The following ARFGEF3 variants were observed in gnomAD, a reference collection of about 807,000 sequenced individuals.
The protein encoded by ARFGEF3 is ARFGEF family member 3, also known as brefeldin A-inhibited guanine nucleotide-exchange protein 3.
A neutral mutation model predicts 221.7 loss-of-function variants in ARFGEF3; 96 were observed. The ratio of observed to expected loss-of-function variants is 0.43; its 90% CI spans 0.37 to 0.51. The LOEUF (loss-of-function observed/expected upper bound fraction) is 0.51. ARFGEF3 is among the 20% of genes least tolerant of loss of function. The pLI, the probability that ARFGEF3 is intolerant of heterozygous loss-of-function variation, is 0.00. For missense variants in ARFGEF3, 2,410 were observed against 2,789.9 expected (o/e 0.86, Z 3.07); for synonymous variants, 1,145 against 1,126.8 (o/e 1.02, Z -0.32).
At chr6:138,170,797 CTTAG>C in intron 2 of ARFGEF3, 84 bp downstream of exon 2, 1 of 806,144 alleles carries the variant, frequency 1.2e-6, no homozygotes, top group African/African-American at 1.7e-5. Context: ...TACAGTGTGT[CTTAG>C]TTTGTTTTGT....
chr6:138,332,849 A>G (rs1194099108), intron 32 of ARFGEF3, among the ~76,000 whole-genome samples: 1 of 152,214 alleles, frequency 6.6e-6, no homozygotes, highest in Non-Finnish European at 1.5e-5. Context: ...TACTCATTTC[A>G]TCTTGAGAGT....
chr6:138,251,059 C>A (rs1004583492), intron 8 of ARFGEF3, among the ~76,000 whole-genome samples: 1 of 152,164 alleles, frequency 6.6e-6, no homozygotes, highest in Non-Finnish European at 1.5e-5. Context: ...ATCTGTTTTC[C>A]AGACTGCCGC....
chr6:138,210,983 G>A (rs1777717264), intron 4 of ARFGEF3, among the ~76,000 whole-genome samples: 1 of 152,154 alleles, frequency 6.6e-6, no homozygotes, highest in South Asian at 2.1e-4. Flanking sequence ...TGATGATTAA[G>A]AGCTCAAACT....
At chr6:138,222,823 G>T (rs1369730397) in intron 4 of ARFGEF3, among the ~76,000 whole-genome samples, 1 of 152,006 alleles carries the variant, frequency 6.6e-6, no homozygotes. Context: ...TGTCGCTTGG[G>T]GAGTGTACCT....
chr6:138,242,809 T>A lies in ARFGEF3; in HGVS notation c.544-143T>A, dbSNP rs888876078. The stretch of plus-strand genomic sequence containing the variant: ...ATAATGAAACGCTCTCAAGAGCTGG[T>A]GGGTAGGGGTGGGCTCAGGCAAGGT... On this transcript the variant is annotated intron_variant, in intron 6 of 33. Coordinates refer to ENST00000251691, the MANE Select transcript of ARFGEF3 (RefSeq NM_020340.5). 6.2e-6 allele frequency: 4 copies of A among 649,162 alleles called. No individual in the cohort carries two copies. In the African/African-American group the frequency reaches 7.3e-5, roughly 12 times the overall value. 40.2% of individuals were successfully genotyped at this position (649,162 alleles called of 1,614,324 possible).
chr6:138,240,279 C>A (rs942001799), intron 6 of ARFGEF3, among the ~76,000 whole-genome samples: 2 of 152,076 alleles, frequency 1.3e-5, no homozygotes, highest in African/African-American at 4.8e-5. Flanking sequence ...ATAATATACA[C>A]TCATATTTCA....
At chr6:138,163,698 G>A (rs1379847764) in intron 1 of ARFGEF3, among the ~76,000 whole-genome samples, 1 of 152,152 alleles carries the variant, frequency 6.6e-6, no homozygotes, top group Non-Finnish European at 1.5e-5. Context: ...AAGCCACTGG[G>A]GAGGCTGAGC....
intron 2 of ARFGEF3, among the ~76,000 whole-genome samples, chr6:138,203,860 C>T (rs1777581078): frequency 6.6e-6 from 1 of 151,066 alleles, no homozygotes; most frequent in African/African-American, 2.4e-5. Context: ...CTAGGATGGT[C>T]TCTATTGCTT....
chr6:138,315,717 G>C (rs1266510672), intron 26 of ARFGEF3, among the ~76,000 whole-genome samples: 4 of 152,060 alleles, frequency 2.6e-5, no homozygotes, highest in Admixed American at 6.6e-5. Flanking sequence ...AAGCGTGGTG[G>C]GGGGGCGCCT....
intron 2 of ARFGEF3, among the ~76,000 whole-genome samples, chr6:138,179,644 A>G (rs1322736533): frequency 4.6e-5 from 7 of 152,162 alleles, no homozygotes; most frequent in African/African-American, 1.4e-4. Context: ...GTGTGAGCAC[A>G]TTCATCAGTG....
At chr6:138,265,094 A>G (rs185747598) in intron 12 of ARFGEF3, among the ~76,000 whole-genome samples, 2,460 of 152,080 alleles carry the variant, frequency 0.016, 43 homozygotes, top group African/African-American at 0.039. Flanking sequence ...TAGTAGAGAC[A>G]GGGTTTCGCT....
chr6:138,282,016 G>A (rs902049011), intron 14 of ARFGEF3, among the ~76,000 whole-genome samples: 26 of 152,122 alleles, frequency 1.7e-4, no homozygotes, highest in African/African-American at 4.6e-4. Context: ...GTACAGTGGC[G>A]TGATCTCAGC....
chr6:138,244,064 A>G (rs1269932359), intron 7 of ARFGEF3, among the ~76,000 whole-genome samples: 1 of 152,242 alleles, frequency 6.6e-6, no homozygotes, highest in South Asian at 2.1e-4. Context: ...TCAAGGATAC[A>G]TCTCTAAAAA....
chr6:138,280,999 T>G (rs1421741519), intron 14 of ARFGEF3, among the ~76,000 whole-genome samples: 4 of 152,200 alleles, frequency 2.6e-5, no homozygotes, highest in Non-Finnish European at 5.9e-5. Context: ...AAGAAAATAT[T>G]TATTCAGGAA....
At chr6:138,288,472 T>G (rs535562621) in intron 17 of ARFGEF3, among the ~76,000 whole-genome samples, 1 of 151,092 alleles carries the variant, frequency 6.6e-6, no homozygotes, top group South Asian at 2.1e-4. Context: ...TCATTTGAGG[T>G]CAGGAGTTTG....
Position 138,162,103 on chromosome 6 carries a change from G to A in ARFGEF3, c.17G>A (p.Arg6Lys). ...AAGGTCAAGATGGAAGAAATCCTGAGGAAGCTGCAGAAGGAGGCGTCCGGG... is the reference window on the plus strand; with the variant it reads ...AAGGTCAAGATGGAAGAAATCCTGAAGAAGCTGCAGAAGGAGGCGTCCGGG... Reference protein sequence around the residue: MEEILRKLQKEASGSK... With the variant: MEEILKKLQKEASGSK... Residue 6 changes from arginine (R) to lysine (K), a missense_variant, in exon 1 of 34, where the codon AGG (arginine) becomes AAG (lysine). Coordinates refer to ENST00000251691, the MANE Select transcript of ARFGEF3 (RefSeq NM_020340.5). This position sits in a 1 kb window ranked among gnomAD's most constrained non-coding sequence, Gnocchi z 4.7. 2 of 1,602,072 alleles carry A rather than the reference G, an allele frequency of 1.2e-6. No homozygotes were observed. The highest frequency in any genetic ancestry group is 1.7e-6 in the Non-Finnish European group (2 of 1,173,998).
chr6:138,223,188 G>T (rs569890143), intron 4 of ARFGEF3, among the ~76,000 whole-genome samples: 1 of 152,326 alleles, frequency 6.6e-6, no homozygotes, highest in South Asian at 2.1e-4. Context: ...GGCATTTGGT[G>T]TCTCAGTATT....
intron 8 of ARFGEF3, among the ~76,000 whole-genome samples, chr6:138,247,731 C>A (rs2114564199): frequency 6.6e-6 from 1 of 152,276 alleles, no homozygotes; most frequent in East Asian, 1.9e-4. Context: ...AATTAATAGA[C>A]TATTTCTTAT....
chr6:138,249,160 A>T (rs1392528185), intron 8 of ARFGEF3, among the ~76,000 whole-genome samples: 1 of 152,262 alleles, frequency 6.6e-6, no homozygotes, highest in African/African-American at 2.4e-5. Flanking sequence ...GGCTGTGTAC[A>T]TCAGAAATTT....
Sources: gnomAD v4.1 joint callset for allele counts (sites outside exome capture counted in the v4.1 genomes callset) on GRCh38, gnomAD v4.1.1 for gene constraint, Gnocchi (gnomAD v3.1) non-coding constraint, MANE v1.5 for transcripts, NCBI Gene and HGNC (gene_info 2026-07-23, HGNC 2026-07-21) for gene names.